Variants in PHF12 observed in about 807,000 individuals in gnomAD.
PHF12 encodes PHD factor 1.
Under a neutral mutation model 99.8 loss-of-function variants are expected in PHF12, and 6 were observed. The observed-to-expected ratio is 0.06, with a 90% CI of 0.03 to 0.12. The LOEUF (loss-of-function observed/expected upper bound fraction) is 0.12, where lower values mean the gene tolerates loss of function less well. Among genes scored for constraint, PHF12 ranks in the 10% least tolerant of loss-of-function variants. The probability of loss-of-function intolerance (pLI) is 1.00; values close to 1 mark genes in which losing one functional copy is unlikely to be tolerated. For missense variants in PHF12, 954 were observed against 1,300.1 expected (o/e 0.73, Z 4.09); for synonymous variants, 480 against 514.9 (o/e 0.93, Z 0.92).
At position 28,950,392 on chromosome 17, in the gene PHF12, C is replaced by G; in HGVS notation, c.67-146G>C. 1.1e-6 allele frequency: 1 copy of G among 920,776 alleles called. No individual in the cohort carries two copies. The highest frequency in any genetic ancestry group is 1.6e-6 in the Non-Finnish European group (1 of 631,370). 57.0% of individuals were successfully genotyped at this position (920,776 alleles called of 1,614,324 possible). ...CCAGGCTGCTCCCAGAATCTCTCAG[C>G]CCCCGGAACCAGGGGGAGCCCACCC... On this transcript the variant is annotated intron_variant, in intron 1 of 14. Coordinates refer to ENST00000332830, the MANE Select transcript of PHF12 (RefSeq NM_001033561.2). This position sits in a 1 kb window ranked among gnomAD's most constrained non-coding sequence, Gnocchi z 5.7.
Position 28,905,989 on chromosome 17 carries a change from A to C in PHF12, c.*194T>G. 1 of 587,650 alleles carries C rather than the reference A, an allele frequency of 1.7e-6. No individual in the cohort carries two copies. Among genetic ancestry groups the C allele is most frequent in the Non-Finnish European group, 2.8e-6 (1 of 351,980 alleles). 36.4% of individuals were successfully genotyped at this position (587,650 alleles called of 1,614,324 possible). ...ATGTTGAGTACAAATATATGTGCAA[A>C]TGCCCCCTAGAACTTGAGAAAAGAA... On this transcript the variant is annotated 3_prime_UTR_variant, in exon 15 of 15. Transcript: ENST00000332830.
At chr17:28,936,534 A>T (rs2040512446) in intron 2 of PHF12, among the ~76,000 whole-genome samples, 1 of 152,222 alleles carries the variant, frequency 6.6e-6, no homozygotes, top group Admixed American at 6.5e-5. Context: ...TTCTCTTCCA[A>T]AAGAGGTCAG....
rs780851159 is a variant in PHF12 at position 28,912,741 on chromosome 17, G to T, written c.1830C>A (p.Pro610=). Residue 610 remains proline (P), a synonymous_variant, in exon 9 of 15, where the codon CCC becomes CCA. Transcript: ENST00000332830. ...CCAAACTCCTCTGGGGGCAAGAGCT[G>T]GGGCCAGTGGCATTCTCTGTCTTCA... is the stretch of plus-strand genomic sequence containing the variant. The part of the protein sequence containing the change: ...IIVKTENATG[P]SSCPQRSLVP... 1.9e-6 allele frequency: 3 copies of T among 1,614,250 alleles called. No homozygotes were observed. Among genetic ancestry groups the T allele is most frequent in the Non-Finnish European group, 2.5e-6 (3 of 1,180,038 alleles).
In PHF12 at chr17:28,907,681, T is replaced by C; in HGVS notation, c.2459-9A>G. ...CACATCCATGTCAGCTCCTGCAAGG[T>C]GGCAGGAGTAGAGGAAAAGGAAGGC... On this transcript the variant is annotated splice_polypyrimidine_tract_variant and intron_variant, in intron 12 of 14. Transcript: ENST00000332830. The C allele has an allele frequency of 6.2e-7, 1 of 1,612,876 alleles. No individual in the cohort carries two copies. Among genetic ancestry groups the C allele is most frequent in the South Asian group, 1.1e-5 (1 of 91,032 alleles).
intron 2 of PHF12, among the ~76,000 whole-genome samples, chr17:28,930,560 T>TA (rs780139967): frequency 7.2e-5 from 11 of 152,368 alleles, no homozygotes; most frequent in Non-Finnish European, 1.2e-4. Context: ...TCTAAGTTAC[T>TA]ACACAATGAG....
At position 28,951,399 on chromosome 17, in the gene PHF12, C is replaced by G. The variant is rs1347596615; in HGVS notation, c.-439G>C. ...GGGGGGAGGGTGATGGGGGGTGGTC[C>G]CCGGGCTCCGCCTCTCGCCGCCGCC... On this transcript the variant is annotated 5_prime_UTR_variant, in exon 1 of 15. Coordinates refer to ENST00000332830, the MANE Select transcript of PHF12 (RefSeq NM_001033561.2). 5 of 988,102 alleles carry G rather than the reference C, an allele frequency of 5.1e-6. No individual in the cohort carries two copies. Among genetic ancestry groups the G allele is most frequent in the Non-Finnish European group, 6.0e-6 (5 of 831,748 alleles). The allele number at this position is 988,102 out of a possible 1,614,324, so 61.2% of individuals were successfully genotyped here. A position where few individuals can be genotyped will look rare whatever the true frequency, so the allele number is the denominator to read the frequency against.
intron 11 of PHF12, 66 bp from the exon 12 acceptor site, chr17:28,908,947 A>G (rs965059294): frequency 2.8e-6 from 4 of 1,436,510 alleles, no homozygotes; most frequent in Non-Finnish European, 3.9e-6. Flanking sequence ...ACATAAACCA[A>G]CAAAATCTGG....
intron 5 of PHF12, among the ~76,000 whole-genome samples, chr17:28,920,211 C>G (rs546158604): frequency 1.3e-5 from 2 of 152,222 alleles, no homozygotes; most frequent in South Asian, 2.1e-4. Context: ...TTTGTCCTGG[C>G]TCAGAGTTCT....
chr17:28,931,587 T>G (rs934637276), intron 2 of PHF12, among the ~76,000 whole-genome samples: 9 of 151,026 alleles, frequency 6.0e-5, no homozygotes, highest in Non-Finnish European at 1.0e-4. Flanking sequence ...TCTGCTTTTT[T>G]TTTGTTTGTT....
intron 9 of PHF12, chr17:28,912,123 A>C (rs901387840): frequency 9.3e-7 from 1 of 1,073,522 alleles, no homozygotes; most frequent in African/African-American, 1.7e-5. Context: ...GGCTGATCAT[A>C]GTAATTCCAG....
chr17:28,943,774 T>C (rs2040667309), intron 2 of PHF12, among the ~76,000 whole-genome samples: 1 of 152,092 alleles, frequency 6.6e-6, no homozygotes, highest in Non-Finnish European at 1.5e-5. Flanking sequence ...AAATAAAATG[T>C]CATCCATACA....
At chr17:28,941,379 G>A (rs2152677485) in intron 2 of PHF12, among the ~76,000 whole-genome samples, 1 of 152,282 alleles carries the variant, frequency 6.6e-6, no homozygotes, top group East Asian at 1.9e-4. Context: ...AAATCCTCTT[G>A]GGAGGATCAA....
At chr17:28,919,342 T>C (rs962048224) in intron 5 of PHF12, 67 bp from the exon 6 acceptor site, 2 of 1,513,688 alleles carry the variant, frequency 1.3e-6, no homozygotes, top group Non-Finnish European at 1.8e-6. Context: ...CTTTGACCTG[T>C]GGAACAGCCT....
At chr17:28,937,665 C>G (rs2040534272) in intron 2 of PHF12, among the ~76,000 whole-genome samples, 1 of 152,106 alleles carries the variant, frequency 6.6e-6, no homozygotes, top group Non-Finnish European at 1.5e-5. Context: ...ACGAGTGTTA[C>G]TAGTTAGTAC....
At chr17:28,943,763 TAAATA>T (rs768377352) in intron 2 of PHF12, among the ~76,000 whole-genome samples, 5 of 147,750 alleles carry the variant, frequency 3.4e-5, no homozygotes, top group African/African-American at 5.1e-5. Flanking sequence ...AATGAACTAA[TAAATA>T]AAATGTCATC....
chr17:28,943,423 A>G (rs1227534601), intron 2 of PHF12, among the ~76,000 whole-genome samples: 1 of 152,204 alleles, frequency 6.6e-6, no homozygotes, highest in Admixed American at 6.5e-5. Context: ...TGAGGTCAGG[A>G]GTATGAGACC....
chr17:28,926,488 A>C, intron 3 of PHF12: 1 of 259,990 alleles, frequency 3.8e-6, no homozygotes, highest in Non-Finnish European at 7.7e-6. Flanking sequence ...AGAAAATAAT[A>C]AACCATGTTC....
At chr17:28,921,278 T>TA (rs1408674796) in intron 5 of PHF12, among the ~76,000 whole-genome samples, 1 of 152,156 alleles carries the variant, frequency 6.6e-6, no homozygotes. Context: ...CTAATCTGCT[T>TA]AAGCCTCTGG....
intron 8 of PHF12, 22 bp from the exon 9 acceptor site, chr17:28,913,299 G>T (rs372779781): frequency 1.0e-5 from 16 of 1,580,712 alleles, no homozygotes; most frequent in Non-Finnish European, 1.4e-5. Flanking sequence ...GGAGAGGAGA[G>T]GGGGGTGAGA....
Sources: allele counts gnomAD v4.1 joint callset (sites outside exome capture counted in the v4.1 genomes callset), GRCh38; gene constraint gnomAD v4.1.1; non-coding constraint Gnocchi (gnomAD v3.1); transcripts MANE v1.5; gene names NCBI Gene and HGNC (gene_info 2026-07-23, HGNC 2026-07-21).